NCAM1: variants seen among roughly 807,000 people sequenced by gnomAD.
NCAM1 encodes neural cell adhesion molecule 1.
In NCAM1, 14 loss-of-function variants were observed where a neutral mutation model predicts 109.8. That is an observed-to-expected ratio of 0.13 (90% confidence interval 0.08 to 0.20). NCAM1 has a LOEUF of 0.20. Ranked by LOEUF, NCAM1 falls within the 10% of genes least tolerant of loss-of-function variation. NCAM1 has a pLI of 1.00. For synonymous variants in NCAM1, 418 were observed against 442.9 expected (o/e 0.94, Z 0.70); for missense variants, 774 against 1,109.9 (o/e 0.70, Z 4.30).
Position 112,977,273 on chromosome 11 carries a change from A to T in NCAM1, c.52+15609A>T, listed in dbSNP as rs543018895. The T allele has an allele frequency of 2.6e-5, 4 of 151,946 alleles. No homozygotes were observed. The South Asian group carries it at 8.3e-4, about 32-fold the overall frequency. The allele number at this position is 151,946 out of a possible 1,614,324, so 9.4% of individuals were successfully genotyped here. A position where few individuals can be genotyped will look rare whatever the true frequency, so the allele number is the denominator to read the frequency against. ...TTTCTATTAAAATAGTCTTATAGTG[A>T]TTTAATAACAATTTGGAAAAGTCGC... On this transcript the variant is annotated intron_variant, in intron 1 of 19. Transcript: ENST00000316851.
intron 1 of NCAM1, among the ~76,000 whole-genome samples, chr11:113,132,539 T>C (rs1555098513): frequency 6.6e-6 from 1 of 151,558 alleles, no homozygotes; most frequent in Non-Finnish European, 1.5e-5. Flanking sequence ...TCCCAGCTCC[T>C]AGGCTCAGCC....
chr11:113,052,779 C>T (rs1301219038), intron 1 of NCAM1, among the ~76,000 whole-genome samples: 2 of 152,112 alleles, frequency 1.3e-5, no homozygotes, highest in Admixed American at 6.6e-5. Flanking sequence ...GTTTGCTGCA[C>T]CTATCAACTC....
intron 1 of NCAM1, among the ~76,000 whole-genome samples, chr11:113,107,403 T>C (rs1219708805): frequency 1.3e-5 from 2 of 152,294 alleles, no homozygotes; most frequent in Non-Finnish European, 2.9e-5. Context: ...AGATTTAACA[T>C]GAAGAAAGAA....
At chr11:113,090,446 G>A (rs1939289516) in intron 1 of NCAM1, among the ~76,000 whole-genome samples, 2 of 152,204 alleles carry the variant, frequency 1.3e-5, no homozygotes, top group Non-Finnish European at 2.9e-5. Flanking sequence ...GACATAATTT[G>A]TAGTGAAATG....
At chr11:113,265,226 T>C (rs1390584255) in intron 17 of NCAM1, 3 of 935,752 alleles carry the variant, frequency 3.2e-6, no homozygotes, top group African/African-American at 3.6e-5. Context: ...TTTTATTCAA[T>C]AGTTGTGTCT....
chr11:113,227,347 T>G (rs1944881817), intron 9 of NCAM1, among the ~76,000 whole-genome samples: 1 of 152,096 alleles, frequency 6.6e-6, no homozygotes, highest in African/African-American at 2.4e-5. Context: ...ATGGATAAAT[T>G]CCTGGACACA....
rs374589240 is a variant in NCAM1 at position 113,228,742 on chromosome 11, C to T, written c.1090-2903C>T. Among the ~76,000 whole-genome samples the T allele has an allele frequency of 2.0e-5, 3 of 152,150 alleles. No individual in the cohort carries two copies. In the South Asian group the frequency reaches 6.2e-4, roughly 31 times the overall value. ...ACTGGTACCAAAACAGAGATACAGA[C>T]CAATGGAACAGAACAGAGCCCTCAG... On this transcript the variant is annotated intron_variant, in intron 9 of 19. Coordinates refer to ENST00000316851, the MANE Select transcript of NCAM1 (RefSeq NM_181351.5).
At chr11:113,016,515 A>G (rs1337663417) in intron 1 of NCAM1, among the ~76,000 whole-genome samples, 3 of 152,212 alleles carry the variant, frequency 2.0e-5, no homozygotes, top group Non-Finnish European at 4.4e-5. Context: ...TAGTGGCTTA[A>G]GACAGGAATA....
At chr11:112,982,998 C>A (rs1476725610) in intron 1 of NCAM1, among the ~76,000 whole-genome samples, 2 of 151,894 alleles carry the variant, frequency 1.3e-5, no homozygotes, top group African/African-American at 4.8e-5. Context: ...AGGAACGGAA[C>A]TTAGCCAAGC....
At chr11:113,137,362 G>C (rs1555099678) in intron 1 of NCAM1, among the ~76,000 whole-genome samples, 1 of 152,234 alleles carries the variant, frequency 6.6e-6, no homozygotes, top group Non-Finnish European at 1.5e-5. Flanking sequence ...CTCAGAAAAT[G>C]TATTTGTTGA....
intron 1 of NCAM1, among the ~76,000 whole-genome samples, chr11:113,139,121 C>T (rs1941719156): frequency 6.6e-6 from 1 of 152,246 alleles, no homozygotes; most frequent in Admixed American, 6.5e-5. Context: ...GACTGCCTTG[C>T]TTGCTTGCAA....
chr11:113,101,079 T>C (rs903034796), intron 1 of NCAM1, among the ~76,000 whole-genome samples: 7 of 152,114 alleles, frequency 4.6e-5, no homozygotes, highest in African/African-American at 7.2e-5. Context: ...GAGATTCCAG[T>C]TTATGTTATG....
Position 113,235,182 on chromosome 11 carries a change from C to A in NCAM1, c.1825+18C>A, listed in dbSNP as rs1382400797. On this transcript the variant is annotated intron_variant, in intron 14 of 19. Coordinates refer to ENST00000316851, the MANE Select transcript of NCAM1 (RefSeq NM_181351.5). ...GCCAGTCCGTAAGTAAAGCCAGCTG[C>A]CCCCCTTTTCCCAGCCCACCTTCTT... 9 of 1,613,660 alleles carry A rather than the reference C, an allele frequency of 5.6e-6. No individual in the cohort carries two copies. Among genetic ancestry groups the A allele is most frequent in the South Asian group, 1.1e-5 (1 of 91,078 alleles).
chr11:112,963,450 G>C lies in NCAM1; in HGVS notation c.52+1786G>C, dbSNP rs1555064146. 6.6e-6 allele frequency: 1 copy of C among 152,154 alleles called. No homozygotes were observed. Among genetic ancestry groups the C allele is most frequent in the Non-Finnish European group, 1.5e-5 (1 of 68,074 alleles). The allele number at this position is 152,154 out of a possible 1,614,324, so 9.4% of individuals were successfully genotyped here. On this transcript the variant is annotated intron_variant, in intron 1 of 19. Coordinates refer to ENST00000316851, the MANE Select transcript of NCAM1 (RefSeq NM_181351.5). The surrounding 1 kb of genome is among the most constrained non-coding windows in gnomAD (Gnocchi z 4.6). Reference sequence around the variant, plus strand: ...AGGGCATCCTGGCAGGCACACCTACGCGCGTGCGCTGACCGGCCGACCGCG... The same window carrying C: ...AGGGCATCCTGGCAGGCACACCTACCCGCGTGCGCTGACCGGCCGACCGCG...
intron 1 of NCAM1, among the ~76,000 whole-genome samples, chr11:113,187,447 A>T (rs1174660891): frequency 2.0e-5 from 3 of 152,012 alleles, no homozygotes; most frequent in African/African-American, 7.3e-5. Flanking sequence ...TTGGAGAAAA[A>T]TTTGAGTTTA....
rs1944213405 is a variant in NCAM1, at chr11:113,205,620, C to T, written c.444C>T (p.Thr148=). 1 of 1,613,778 alleles carries T rather than the reference C, an allele frequency of 6.2e-7. No individual in the cohort carries two copies. The part of the protein sequence containing the change: ...VCDVVSSLPP[T]IIWKHKGRDV... ...ATGTGGTCAGCTCCCTCCCACCAACCATCATCTGGAAACACAAAGGCCGAG... is the reference window on the plus strand; with the variant it reads ...ATGTGGTCAGCTCCCTCCCACCAACTATCATCTGGAAACACAAAGGCCGAG... The change falls in exon 4 of 20, where the codon ACC becomes ACT. Residue 148 remains threonine (T), a synonymous_variant. Transcript: ENST00000316851.
chr11:113,263,083 C>T, intron 17 of NCAM1: 1 of 1,382,524 alleles, frequency 7.2e-7, no homozygotes, highest in Non-Finnish European at 9.4e-7. Flanking sequence ...AAAGCTTTAC[C>T]TCCAGACATG....
chr11:113,230,511 T>C (rs1944973910), intron 9 of NCAM1, among the ~76,000 whole-genome samples: 2 of 152,236 alleles, frequency 1.3e-5, no homozygotes, highest in Admixed American at 1.3e-4. Context: ...AGGCTAGTGA[T>C]GCCTTGCTTG....
At chr11:113,189,733 T>G (rs1943620246) in intron 1 of NCAM1, among the ~76,000 whole-genome samples, 1 of 152,130 alleles carries the variant, frequency 6.6e-6, no homozygotes, top group South Asian at 2.1e-4. Flanking sequence ...TCTTGCCTGT[T>G]GGATGAAGCA....
Sources: allele counts gnomAD v4.1 joint callset (sites outside exome capture counted in the v4.1 genomes callset), GRCh38; gene constraint gnomAD v4.1.1; non-coding constraint Gnocchi (gnomAD v3.1); transcripts MANE v1.5; gene names NCBI Gene and HGNC (gene_info 2026-07-23, HGNC 2026-07-21).